SPATA16: variants seen among roughly 807,000 people sequenced by gnomAD.
The protein encoded by SPATA16 is spermatogenesis-associated protein 16.
SPATA16 carries 36 observed loss-of-function variants against 63.3 expected under a neutral mutation model. That is an observed-to-expected ratio of 0.57 (90% CI 0.44 to 0.75). The LOEUF is 0.75. SPATA16 is among the 30% of genes least tolerant of loss of function. SPATA16 has a pLI of 0.00. For synonymous variants in SPATA16, 203 were observed against 216.7 expected, an observed-to-expected ratio of 0.94 and a Z score of 0.56; for missense variants, 646 against 679.3, an observed-to-expected ratio of 0.95 and a Z score of 0.54.
intron 1 of SPATA16, among the ~76,000 whole-genome samples, chr3:173,121,376 T>G (rs1458648321): frequency 6.6e-6 from 1 of 152,144 alleles, no homozygotes; most frequent in Non-Finnish European, 1.5e-5. Context: ...TCCTATAAAC[T>G]ACTCTGAAGT....
At position 172,944,387 on chromosome 3, in the gene SPATA16, G is replaced by C. The variant is rs13318481; in HGVS notation, c.1081+12290C>G. The stretch of plus-strand genomic sequence containing the variant: ...GTGTTGATGAGGACATGGGGAAATT[G>C]GAACACTCGTGCACTTCTGGTGAGA... On this transcript the variant is annotated intron_variant, in intron 6 of 10. Transcript: ENST00000351008. Among the ~76,000 whole-genome samples the C allele has an allele frequency of 9.9e-3, 1,514 of 152,308 alleles. 19 individuals carry two copies. Among genetic ancestry groups the C allele is most frequent in the African/African-American group, 0.029 (1,220 of 41,566 alleles).
chr3:172,904,945 C>T (rs1732201621), intron 10 of SPATA16, among the ~76,000 whole-genome samples: 1 of 152,120 alleles, frequency 6.6e-6, no homozygotes, highest in Non-Finnish European at 1.5e-5. Context: ...CAGTTGCTGG[C>T]CTGGATGCCA....
At chr3:172,902,249 C>A (rs1454127142) in intron 10 of SPATA16, among the ~76,000 whole-genome samples, 1 of 152,062 alleles carries the variant, frequency 6.6e-6, no homozygotes, top group Non-Finnish European at 1.5e-5. Context: ...TCTATGTTGG[C>A]CGGGCTGGCC....
intron 2 of SPATA16, among the ~76,000 whole-genome samples, chr3:173,088,071 T>C (rs1356377938): frequency 4.4e-5 from 6 of 136,446 alleles, no homozygotes. Context: ...TCTTTCTTTC[T>C]TTCTTTCTGT....
chr3:173,138,955 A>T (rs1560136729), intron 1 of SPATA16, among the ~76,000 whole-genome samples: 1 of 152,220 alleles, frequency 6.6e-6, no homozygotes, highest in African/African-American at 2.4e-5. Flanking sequence ...GCTTTCTAAA[A>T]TGTAAAGCTA....
At chr3:172,906,504 G>A (rs1373113378) in intron 10 of SPATA16, among the ~76,000 whole-genome samples, 2 of 152,156 alleles carry the variant, frequency 1.3e-5, no homozygotes, top group African/African-American at 4.8e-5. Flanking sequence ...AACTGGGCTG[G>A]TTTATAGCCA....
intron 2 of SPATA16, among the ~76,000 whole-genome samples, chr3:173,081,073 T>G (rs1218362534): frequency 6.6e-6 from 1 of 152,182 alleles, no homozygotes; most frequent in Non-Finnish European, 1.5e-5. Context: ...CATTGTTTAA[T>G]AATAATCCTT....
intron 2 of SPATA16, among the ~76,000 whole-genome samples, chr3:173,071,791 A>T (rs753678718): frequency 2.0e-5 from 3 of 152,246 alleles, no homozygotes; most frequent in East Asian, 1.9e-4. Flanking sequence ...AATGGCTTTT[A>T]TCTGGCCAAA....
intron 1 of SPATA16, among the ~76,000 whole-genome samples, chr3:173,136,718 G>C (rs1179977924): frequency 6.6e-6 from 1 of 152,126 alleles, no homozygotes; most frequent in African/African-American, 2.4e-5. Context: ...GCAGTTGTTT[G>C]TTATATTAAT....
At chr3:173,070,959 A>T (rs1736661000) in intron 2 of SPATA16, among the ~76,000 whole-genome samples, 2 of 152,188 alleles carry the variant, frequency 1.3e-5, no homozygotes, top group African/African-American at 4.8e-5. Context: ...TATAAAAAAC[A>T]ATTCTAAAAT....
chr3:172,995,174 G>A (rs1165280853), intron 4 of SPATA16, among the ~76,000 whole-genome samples: 3 of 152,022 alleles, frequency 2.0e-5, no homozygotes, highest in African/African-American at 7.2e-5. Flanking sequence ...CTGTTTTTAG[G>A]CAGTGAGTTG....
intron 6 of SPATA16, among the ~76,000 whole-genome samples, chr3:172,938,726 A>G (rs1348891889): frequency 2.0e-5 from 3 of 152,152 alleles, no homozygotes; most frequent in Non-Finnish European, 4.4e-5. Context: ...GCTTAAAACA[A>G]TAGCCAAAAA....
intron 4 of SPATA16, among the ~76,000 whole-genome samples, chr3:172,982,375 T>A (rs1211655687): frequency 6.6e-6 from 1 of 152,224 alleles, no homozygotes; most frequent in Non-Finnish European, 1.5e-5. Flanking sequence ...GATGCTGATG[T>A]ATTTATGGCA....
At chr3:173,054,606 G>T (rs1046339106) in intron 2 of SPATA16, among the ~76,000 whole-genome samples, 1 of 152,088 alleles carries the variant, frequency 6.6e-6, no homozygotes, top group Admixed American at 6.6e-5. Flanking sequence ...GACACCAAGA[G>T]GGGAACAACA....
chr3:173,024,292 C>A (rs1735403025), intron 3 of SPATA16, among the ~76,000 whole-genome samples: 1 of 151,338 alleles, frequency 6.6e-6, no homozygotes, highest in Non-Finnish European at 1.5e-5. Flanking sequence ...TCTCTTACTA[C>A]ATAGGCTAAA....
chr3:172,916,237 T>TG (rs1560065781), intron 9 of SPATA16, 80 bp downstream of exon 9: 79 of 956,806 alleles, frequency 8.3e-5, no homozygotes, highest in East Asian at 3.1e-4. Flanking sequence ...CAGGATTTTT[T>TG]TTTTTTTTTT....
At chr3:173,063,566 G>A (rs1225905457) in intron 2 of SPATA16, among the ~76,000 whole-genome samples, 1 of 152,124 alleles carries the variant, frequency 6.6e-6, no homozygotes, top group Non-Finnish European at 1.5e-5. Flanking sequence ...AGGCAGGGGA[G>A]TTTCTAGTCT....
intron 2 of SPATA16, among the ~76,000 whole-genome samples, chr3:173,077,015 G>T (rs780831284): frequency 2.0e-5 from 3 of 152,072 alleles, no homozygotes; most frequent in South Asian, 4.1e-4. Context: ...ACATCTCTAC[G>T]TACATGATAT....
At chr3:173,018,822 A>T (rs1288001336) in intron 4 of SPATA16, among the ~76,000 whole-genome samples, 2 of 152,196 alleles carry the variant, frequency 1.3e-5, no homozygotes, top group Non-Finnish European at 2.9e-5. Context: ...AAGGAAAATT[A>T]TTTGAGAGAG....
Sources: gnomAD v4.1 joint callset for allele counts (sites outside exome capture counted in the v4.1 genomes callset) on GRCh38, gnomAD v4.1.1 for gene constraint, MANE v1.5 for transcripts, NCBI Gene and HGNC (gene_info 2026-07-23, HGNC 2026-07-21) for gene names.